PTPRM: variants seen among roughly 807,000 people sequenced by gnomAD.
PTPRM encodes receptor-type tyrosine-protein phosphatase mu.
A neutral mutation model predicts 186.7 loss-of-function variants in PTPRM; 47 were observed. The ratio of observed to expected loss-of-function variants is 0.25; its 90% confidence interval spans 0.20 to 0.32. The LOEUF (loss-of-function observed/expected upper bound fraction) is 0.32, where lower values mean the gene tolerates loss of function less well. PTPRM is among the 10% of genes least tolerant of loss of function. The pLI, the probability that PTPRM is intolerant of heterozygous loss-of-function variation, is 1.00. For missense variants in PTPRM, 1,494 were observed against 1,865.0 expected (o/e 0.80, Z 3.66); for synonymous variants, 668 against 674.9 (o/e 0.99, Z 0.16).
At chr18:8,184,429 G>A (rs1167553114) in intron 14 of PTPRM, among the ~76,000 whole-genome samples, 1 of 152,156 alleles carries the variant, frequency 6.6e-6, no homozygotes, top group African/African-American at 2.4e-5. Context: ...GAGAGTCTTG[G>A]ATACCCTGTC....
intron 20 of PTPRM, among the ~76,000 whole-genome samples, chr18:8,302,096 T>G (rs1374306130): frequency 6.6e-6 from 1 of 151,884 alleles, no homozygotes; most frequent in Non-Finnish European, 1.5e-5. Flanking sequence ...GAAGATTTCG[T>G]GGGGGAGAAG....
chr18:8,239,081 G>A (rs12963911), intron 14 of PTPRM, among the ~76,000 whole-genome samples: 1 of 148,640 alleles, frequency 6.7e-6, no homozygotes, highest in Non-Finnish European at 1.5e-5. Flanking sequence ...TGCCATGCTG[G>A]TGTGCTGCAC....
chr18:7,975,827 C>G (rs924304757), intron 7 of PTPRM, among the ~76,000 whole-genome samples: 8 of 152,172 alleles, frequency 5.3e-5, no homozygotes, highest in African/African-American at 1.7e-4. Context: ...TAAGAGCACT[C>G]TATGATGTTC....
intron 14 of PTPRM, among the ~76,000 whole-genome samples, chr18:8,239,159 C>T (rs1345071379): frequency 9.0e-6 from 1 of 110,826 alleles, no homozygotes; most frequent in Admixed American, 1.1e-4. Context: ...CCCCACCCCA[C>T]AAGAGTCCCC....
intron 7 of PTPRM, among the ~76,000 whole-genome samples, chr18:7,985,101 A>G (rs1235722323): frequency 7.7e-6 from 1 of 130,404 alleles, no homozygotes; most frequent in African/African-American, 2.9e-5. Flanking sequence ...ATATAATTAT[A>G]TATACATATA....
chr18:8,096,870 A>C (rs567465087), intron 11 of PTPRM, among the ~76,000 whole-genome samples: 11 of 152,304 alleles, frequency 7.2e-5, no homozygotes, highest in African/African-American at 2.6e-4. Flanking sequence ...AAAGGTTGCA[A>C]ATTCCAAGAG....
At chr18:8,099,147 CTCTCTCTCTCTT>C (rs1488169021) in intron 11 of PTPRM, among the ~76,000 whole-genome samples, 189 of 152,038 alleles carry the variant, frequency 1.2e-3, no homozygotes, top group South Asian at 8.7e-3. Flanking sequence ...CTTTCTCTCT[CTCTCTCTCTCTT>C]TCTCTCTCTC....
At chr18:8,000,473 G>A (rs945777198) in intron 7 of PTPRM, among the ~76,000 whole-genome samples, 3 of 152,250 alleles carry the variant, frequency 2.0e-5, no homozygotes, top group South Asian at 2.1e-4. Context: ...ATTTCTACAG[G>A]TGTATTTGAA....
intron 1 of PTPRM, among the ~76,000 whole-genome samples, chr18:7,650,501 TA>T (rs2038674294): frequency 7.5e-6 from 1 of 132,476 alleles, no homozygotes. Context: ...TTAAAAATAA[TA>T]AAACTCTGAT....
chr18:7,692,659 C>T (rs1262205956), intron 1 of PTPRM, among the ~76,000 whole-genome samples: 1 of 152,090 alleles, frequency 6.6e-6, no homozygotes, highest in Non-Finnish European at 1.5e-5. Flanking sequence ...TTCTTGAGTT[C>T]CTTGGATGAC....
intron 7 of PTPRM, among the ~76,000 whole-genome samples, chr18:8,038,489 T>A (rs2086484218): frequency 6.6e-6 from 1 of 151,740 alleles, no homozygotes; most frequent in Non-Finnish European, 1.5e-5. Flanking sequence ...CTTCCTGGGT[T>A]CAAGTGATTC....
chr18:8,159,507 T>C (rs934199801), intron 14 of PTPRM, among the ~76,000 whole-genome samples: 4 of 152,246 alleles, frequency 2.6e-5, no homozygotes, highest in African/African-American at 9.6e-5. Context: ...CATGTTATCG[T>C]GTCTAAAGAT....
At chr18:7,584,126 CATT>C (rs1370766237) in intron 1 of PTPRM, among the ~76,000 whole-genome samples, 1 of 152,072 alleles carries the variant, frequency 6.6e-6, no homozygotes, top group African/African-American at 2.4e-5. Context: ...CTTGCAGTGT[CATT>C]AGGGAGAATT....
chr18:7,932,047 T>G (rs1463888706), intron 5 of PTPRM, among the ~76,000 whole-genome samples: 2 of 152,212 alleles, frequency 1.3e-5, no homozygotes, highest in African/African-American at 4.8e-5. Flanking sequence ...TTTCTTGTAA[T>G]CGTTGTAGAG....
At chr18:8,341,727 A>G (rs2095476135) in intron 22 of PTPRM, among the ~76,000 whole-genome samples, 1 of 149,668 alleles carries the variant, frequency 6.7e-6, no homozygotes, top group Admixed American at 6.7e-5. Flanking sequence ...TGTTTGCGCA[A>G]AGAAGGACTC....
At chr18:8,147,580 T>A (rs944506424) in intron 14 of PTPRM, among the ~76,000 whole-genome samples, 2 of 152,240 alleles carry the variant, frequency 1.3e-5, no homozygotes, top group Non-Finnish European at 2.9e-5. Context: ...TGCACAATCA[T>A]GTCTTCTGCA....
chr18:7,674,654 G>A (rs533907317), intron 1 of PTPRM, among the ~76,000 whole-genome samples: 53 of 152,300 alleles, frequency 3.5e-4, no homozygotes, highest in African/African-American at 1.3e-3. Flanking sequence ...TAGAGAGTGG[G>A]CAGCCCATAA....
At chr18:7,717,756 C>T (rs1051592512) in intron 1 of PTPRM, among the ~76,000 whole-genome samples, 1 of 152,184 alleles carries the variant, frequency 6.6e-6, no homozygotes, top group African/African-American at 2.4e-5. Context: ...ATGGAGTTTG[C>T]CCCTGCCTGT....
chr18:7,945,880 G>A (rs73381840), intron 5 of PTPRM, among the ~76,000 whole-genome samples: 1 of 152,328 alleles, frequency 6.6e-6, no homozygotes, highest in South Asian at 2.1e-4. Flanking sequence ...GCAGATTTGA[G>A]TAAGATGTGT....
Sources: gnomAD v4.1 joint callset for allele counts (sites outside exome capture counted in the v4.1 genomes callset) on GRCh38, gnomAD v4.1.1 for gene constraint, MANE v1.5 for transcripts, NCBI Gene and HGNC (gene_info 2026-07-23, HGNC 2026-07-21) for gene names.